MAMDC2: variants seen among roughly 807,000 people sequenced by gnomAD.
MAMDC2 encodes MAM domain-containing protein 2.
MAMDC2 carries 57 observed loss-of-function variants against 89.8 expected under a neutral mutation model. The observed-to-expected ratio is 0.63, with a 90% CI of 0.51 to 0.79. MAMDC2 has a LOEUF of 0.79. Among genes scored for constraint, MAMDC2 ranks in the 30% least tolerant of loss-of-function variants. MAMDC2 has a pLI of 0.00. For missense variants in MAMDC2, 800 were observed against 820.6 expected, an observed-to-expected ratio of 0.97 and a Z score of 0.31; for synonymous variants, 313 against 293.4, an observed-to-expected ratio of 1.07 and a Z score of -0.68.
Position 70,143,590 on chromosome 9 carries a change from A to G in MAMDC2, c.1175A>G (p.Gln392Arg). ...YLLANTKFTS[Q>R]PGYIGRLYGP... ...CTAGCCAACACAAAGTTCACATCTCAGCCTGGCTACATTGGAAGGCTCTAT... is the reference window on the plus strand; with the variant it reads ...CTAGCCAACACAAAGTTCACATCTCGGCCTGGCTACATTGGAAGGCTCTAT... The change falls in exon 9 of 14, where the codon CAG (glutamine) becomes CGG (arginine). Residue 392 changes from glutamine (Q) to arginine (R), a missense_variant. Transcript: ENST00000377182. 1 of 1,614,130 alleles carries G rather than the reference A, an allele frequency of 6.2e-7. No individual in the cohort carries two copies. Among genetic ancestry groups the G allele is most frequent in the Non-Finnish European group, 8.5e-7 (1 of 1,179,988 alleles).
At chr9:70,167,259 C>T (rs988936222) in intron 9 of MAMDC2, among the ~76,000 whole-genome samples, 4 of 152,148 alleles carry the variant, frequency 2.6e-5, no homozygotes, top group Admixed American at 2.6e-4. Flanking sequence ...TAAACCTTCA[C>T]ACATCTTACA....
chr9:70,199,238 C>T (rs904605701), intron 11 of MAMDC2, among the ~76,000 whole-genome samples: 4 of 83,452 alleles, frequency 4.8e-5, no homozygotes, highest in Non-Finnish European at 6.6e-5. Flanking sequence ...GTGTGATATT[C>T]CCCTTCCTGT....
intron 2 of MAMDC2, among the ~76,000 whole-genome samples, chr9:70,066,513 G>T (rs1827268926): frequency 6.6e-6 from 1 of 152,218 alleles, no homozygotes; most frequent in African/African-American, 2.4e-5. Context: ...CAAGGGCGAA[G>T]GGGAGGTAGG....
intron 11 of MAMDC2, among the ~76,000 whole-genome samples, chr9:70,179,449 G>A (rs903702060): frequency 5.9e-5 from 9 of 151,598 alleles, no homozygotes; most frequent in East Asian, 3.9e-4. Flanking sequence ...GCGTGAACCC[G>A]GAAGGCGGAG....
chr9:70,073,398 T>A (rs1487896772), intron 2 of MAMDC2, among the ~76,000 whole-genome samples: 1 of 152,224 alleles, frequency 6.6e-6, no homozygotes, highest in African/African-American at 2.4e-5. Flanking sequence ...AGAGCTGGTG[T>A]AGGGGCTGAT....
rs1325925646 is a variant in MAMDC2, at chr9:70,116,514, C to T, written c.643+3382C>T. Among the ~76,000 whole-genome samples, 5 of 151,920 alleles carry T rather than the reference C, an allele frequency of 3.3e-5. No individual in the cohort carries two copies. In the East Asian group the frequency reaches 9.6e-4, roughly 29 times the overall value. On this transcript the variant is annotated intron_variant, in intron 5 of 13. Transcript: ENST00000377182. ...TAATTTCTTAGTGTCTCCATTGATGCATCTGCAAATGAGCAATTTGAATTC... is the reference window on the plus strand; with the variant it reads ...TAATTTCTTAGTGTCTCCATTGATGTATCTGCAAATGAGCAATTTGAATTC...
intron 7 of MAMDC2, among the ~76,000 whole-genome samples, chr9:70,139,426 C>T (rs909870140): frequency 1.3e-5 from 2 of 150,986 alleles, no homozygotes; most frequent in African/African-American, 4.9e-5. Context: ...CAATTTCATC[C>T]ATGTCCCTAC....
chr9:70,044,661 G>C lies in MAMDC2; in HGVS notation c.112G>C (p.Val38Leu). The C allele has an allele frequency of 6.4e-7, 1 of 1,551,728 alleles. No individual in the cohort carries two copies. The highest frequency in any genetic ancestry group is 2.4e-5 in the East Asian group (1 of 40,912). Residue 38 changes from valine to leucine, a missense_variant, in exon 2 of 14, where the codon GTG becomes CTG. Coordinates refer to ENST00000377182, the MANE Select transcript of MAMDC2 (RefSeq NM_153267.5). ...FEESTCGFDS[V>L]LASLPWILNE... is the part of the protein sequence containing the mutation. ...AGAGAGCACTTGCGGCTTTGACTCC[G>C]TGTTGGCCTCTCTGCCGTGGATTTT...
At chr9:70,107,887 G>A (rs1326203588) in intron 2 of MAMDC2, among the ~76,000 whole-genome samples, 1 of 152,184 alleles carries the variant, frequency 6.6e-6, no homozygotes, top group Non-Finnish European at 1.5e-5. Context: ...TGGGCCTGGT[G>A]TAAAAGAATA....
chr9:70,136,902 G>C (rs1249020337), intron 7 of MAMDC2, among the ~76,000 whole-genome samples: 1 of 152,088 alleles, frequency 6.6e-6, no homozygotes, highest in Non-Finnish European at 1.5e-5. Context: ...ATTTTTCACA[G>C]ACTTTATCTT....
At chr9:70,189,987 C>T (rs2032844792) in intron 11 of MAMDC2, among the ~76,000 whole-genome samples, 1 of 152,070 alleles carries the variant, frequency 6.6e-6, no homozygotes, top group Non-Finnish European at 1.5e-5. Flanking sequence ...ATTGAGTCAT[C>T]ATTCTCATAC....
intron 11 of MAMDC2, among the ~76,000 whole-genome samples, chr9:70,212,559 C>T (rs963733259): frequency 1.4e-4 from 21 of 152,184 alleles, no homozygotes; most frequent in South Asian, 2.1e-4. Context: ...GGGAATTCTG[C>T]GACCCCTTGC....
At chr9:70,219,491 A>G (rs1038424190) in intron 12 of MAMDC2, among the ~76,000 whole-genome samples, 1 of 152,232 alleles carries the variant, frequency 6.6e-6, no homozygotes, top group African/African-American at 2.4e-5. Flanking sequence ...CTAAACCCAG[A>G]TCTTCCTGGG....
chr9:70,212,610 C>G (rs1213349274), intron 11 of MAMDC2, among the ~76,000 whole-genome samples: 1 of 152,202 alleles, frequency 6.6e-6, no homozygotes, highest in Non-Finnish European at 1.5e-5. Flanking sequence ...CTTCAGCTCA[C>G]ACTCCGTGGG....
chr9:70,169,182 T>C (rs1180221687), intron 10 of MAMDC2, among the ~76,000 whole-genome samples: 1 of 152,232 alleles, frequency 6.6e-6, no homozygotes, highest in Non-Finnish European at 1.5e-5. Context: ...AAATTTTTAT[T>C]TCACAGATAC....
chr9:70,123,286 C>A (rs1462831870), intron 5 of MAMDC2, among the ~76,000 whole-genome samples: 1 of 152,136 alleles, frequency 6.6e-6, no homozygotes, highest in East Asian at 1.9e-4. Flanking sequence ...CAGAAGCTAA[C>A]TGGTCATAGG....
chr9:70,183,525 C>T (rs143158660), intron 11 of MAMDC2, among the ~76,000 whole-genome samples: 2 of 152,314 alleles, frequency 1.3e-5, no homozygotes, highest in African/African-American at 4.8e-5. Context: ...AATCTGGGTA[C>T]TCCTGTATTT....
At chr9:70,208,169 A>T (rs1321982108) in intron 11 of MAMDC2, among the ~76,000 whole-genome samples, 1 of 152,226 alleles carries the variant, frequency 6.6e-6, no homozygotes, top group Admixed American at 6.5e-5. Context: ...TTCTGTGAAG[A>T]AAGTCATTGG....
At chr9:70,118,208 G>A (rs1563962303) in intron 5 of MAMDC2, among the ~76,000 whole-genome samples, 1 of 151,836 alleles carries the variant, frequency 6.6e-6, no homozygotes, top group Non-Finnish European at 1.5e-5. Flanking sequence ...CTGACTGCCT[G>A]CATTCCACTC....
Sources: gnomAD v4.1 joint callset for allele counts (sites outside exome capture counted in the v4.1 genomes callset) on GRCh38, gnomAD v4.1.1 for gene constraint, MANE v1.5 for transcripts, NCBI Gene and HGNC (gene_info 2026-07-23, HGNC 2026-07-21) for gene names.